The following PLCB1 variants were observed in gnomAD, a reference collection of about 807,000 sequenced individuals.
PLCB1 encodes the protein phospholipase C beta 1.
Under a neutral mutation model 161.8 loss-of-function variants are expected in PLCB1, and 46 were observed. The observed-to-expected ratio is 0.28, with a 90% confidence interval of 0.22 to 0.36. The LOEUF is 0.36. Among genes scored for constraint, PLCB1 ranks in the 10% least tolerant of loss-of-function variants. The probability of loss-of-function intolerance (pLI) is 1.00; values close to 1 mark genes in which losing one functional copy is unlikely to be tolerated. For missense variants in PLCB1, 1,016 were observed against 1,472.5 expected, an observed-to-expected ratio of 0.69 and a Z score of 5.07; for synonymous variants, 517 against 503.7, an observed-to-expected ratio of 1.03 and a Z score of -0.35.
In PLCB1 at chr20:8,370,501, CTGTCTCTAAG is replaced by C. The variant is rs1470754353; in HGVS notation, c.178-875_178-866del. On this transcript the variant is annotated intron_variant, in intron 2 of 31. Transcript: ENST00000338037. ...CTACCTCCTTTCCCCGCAATGTTCT[CTGTCTCTAAG>C]TGTCTAAAGGCCACGAACACCTCAA... Among the ~76,000 whole-genome samples, 5 of 152,174 alleles carry C rather than the reference CTGTCTCTAAG, an allele frequency of 3.3e-5. No individual in the cohort carries two copies. In the East Asian group the frequency reaches 9.6e-4, roughly 29 times the overall value.
chr20:8,528,204 A>G (rs1156233286), intron 3 of PLCB1, among the ~76,000 whole-genome samples: 3 of 152,072 alleles, frequency 2.0e-5, no homozygotes, highest in Admixed American at 6.6e-5. Context: ...ATTTCTACCA[A>G]TGTAAATGAA....
intron 3 of PLCB1, among the ~76,000 whole-genome samples, chr20:8,474,477 G>A (rs940505596): frequency 6.6e-6 from 1 of 152,094 alleles, no homozygotes; most frequent in Non-Finnish European, 1.5e-5. Context: ...GGATCGGAGT[G>A]TGCTTGGCAA....
intron 3 of PLCB1, among the ~76,000 whole-genome samples, chr20:8,540,380 T>C (rs1985263335): frequency 1.3e-5 from 2 of 152,160 alleles, no homozygotes; most frequent in South Asian, 2.1e-4. Context: ...ACTACGCAGC[T>C]TGCAAAGGTT....
rs566101788 is a variant in PLCB1, at chr20:8,649,265, A to G, written c.519-109A>G. On this transcript the variant is annotated intron_variant, in intron 6 of 31. Transcript: ENST00000338037. Reference sequence around the variant, plus strand: ...GTTATCTTTTAGTTCTTTAAATATGAATAATAAATAGATTTGACTGAATGG... The same window carrying G: ...GTTATCTTTTAGTTCTTTAAATATGGATAATAAATAGATTTGACTGAATGG... The G allele has an allele frequency of 1.3e-5, 9 of 676,184 alleles. No individual in the cohort carries two copies. In the East Asian group the frequency reaches 2.1e-4, roughly 15 times the overall value. The allele number at this position is 676,184 out of a possible 1,614,324, so 41.9% of individuals were successfully genotyped here.
chr20:8,366,450 C>T (rs576335242), intron 2 of PLCB1, among the ~76,000 whole-genome samples: 6 of 152,294 alleles, frequency 3.9e-5, no homozygotes, highest in Non-Finnish European at 7.3e-5. Context: ...CGTTCATTCA[C>T]AAACCAGGAT....
chr20:8,649,431 T>C lies in PLCB1; in HGVS notation c.576T>C (p.Cys192=). 6.2e-7 allele frequency: 1 copy of C among 1,611,446 alleles called. No homozygotes were observed. The highest frequency in any genetic ancestry group is 8.5e-7 in the Non-Finnish European group (1 of 1,177,578). The change falls in exon 7 of 32, where the codon TGT becomes TGC. Residue 192 remains cysteine, a synonymous_variant. Transcript: ENST00000338037. The part of the protein sequence containing the change: ...RKRVETALEA[C]SLPSSRNDSI... ...GAGTTGAAACTGCTTTAGAGGCTTG[T>C]AGTCTTCCATCTTCAAGGGTGAGCA...
chr20:8,595,021 C>A (rs1987283709), intron 3 of PLCB1, among the ~76,000 whole-genome samples: 1 of 152,116 alleles, frequency 6.6e-6, no homozygotes, highest in Non-Finnish European at 1.5e-5. Flanking sequence ...TATATATAGA[C>A]TACATAACAT....
intron 7 of PLCB1, chr20:8,651,635 G>T (rs568011995): frequency 3.6e-4 from 216 of 598,468 alleles, no homozygotes; most frequent in Middle Eastern, 2.7e-3. Context: ...TAGGCATTGA[G>T]AATATGGTGG....
intron 3 of PLCB1, among the ~76,000 whole-genome samples, chr20:8,539,683 TCTTTTTCTTTTTCCTTCCTTCCTTC>T (rs1985223781): frequency 2.0e-5 from 1 of 50,044 alleles, no homozygotes; most frequent in African/African-American, 6.8e-5. Flanking sequence ...TTTCTTTCTT[TCTTTTTCTTTTTCCTTCCTTCCTTC>T]CTTTCTTTTC....
At chr20:8,406,015 T>TC (rs956673262) in intron 3 of PLCB1, among the ~76,000 whole-genome samples, 1 of 128,438 alleles carries the variant, frequency 7.8e-6, no homozygotes, top group African/African-American at 3.9e-5. Flanking sequence ...TTTTTCTTCC[T>TC]TTTTTTTTTT....
At chr20:8,168,707 T>C (rs1267201393) in intron 2 of PLCB1, among the ~76,000 whole-genome samples, 1 of 152,110 alleles carries the variant, frequency 6.6e-6, no homozygotes, top group African/African-American at 2.4e-5. Context: ...ATTTTTTTTC[T>C]TCCTAAATGA....
At chr20:8,343,979 A>C (rs1289902021) in intron 2 of PLCB1, among the ~76,000 whole-genome samples, 1 of 152,130 alleles carries the variant, frequency 6.6e-6, no homozygotes, top group African/African-American at 2.4e-5. Flanking sequence ...TCCATGTCCA[A>C]TGTCTTGAGA....
chr20:8,852,037 A>G (rs558026656), intron 31 of PLCB1, among the ~76,000 whole-genome samples: 1 of 152,350 alleles, frequency 6.6e-6, no homozygotes, highest in East Asian at 1.9e-4. Flanking sequence ...ACAACAAAAA[A>G]AGAAGCCAGA....
chr20:8,632,035 C>CTTTTTTT lies in PLCB1; in HGVS notation c.384+3630_384+3636dup, dbSNP rs34028351. ...AGGAGACAAATATGGGTTTTTTTTGCTTTTTTTTTTTTTTTTTTTTTTTTT... is the reference window on the plus strand; with the variant it reads ...AGGAGACAAATATGGGTTTTTTTTGCTTTTTTTTTTTTTTTTTTTTTTTTTTTTTTTT... On this transcript the variant is annotated intron_variant, in intron 4 of 31. Transcript: ENST00000338037. Among the ~76,000 whole-genome samples the CTTTTTTT allele has an allele frequency of 1.9e-3, 87 of 45,980 alleles. 7 individuals are homozygous for CTTTTTTT. The highest frequency in any genetic ancestry group is 6.2e-3 in the East Asian group (8 of 1,294). 30.2% of individuals were successfully genotyped at this position (45,980 alleles called of 152,430 possible). A position where few individuals can be genotyped will look rare whatever the true frequency, so the allele number is the denominator to read the frequency against.
At chr20:8,651,478 T>TCAC (rs1989320761) in intron 7 of PLCB1, 2 of 725,028 alleles carry the variant, frequency 2.8e-6, no homozygotes, top group South Asian at 1.5e-5. Flanking sequence ...CAAAACATTT[T>TCAC]CACCTTCATT....
chr20:8,643,929 CGATTGCA>C (rs1989047774), intron 4 of PLCB1, among the ~76,000 whole-genome samples: 1 of 130,578 alleles, frequency 7.7e-6, no homozygotes, highest in Non-Finnish European at 1.7e-5. Context: ...CCAGTGCCTG[CGATTGCA>C]GGCGCGCGCC....
Position 8,600,386 on chromosome 20 carries a change from G to A in PLCB1, c.247-27908G>A, listed in dbSNP as rs556768004. Among the ~76,000 whole-genome samples the A allele has an allele frequency of 2.0e-3, 250 of 126,572 alleles. 5 individuals are homozygous for A. The South Asian group carries it at 0.038, about 19-fold the overall frequency. The allele number at this position is 126,572 out of a possible 152,430, so 83.0% of individuals were successfully genotyped here. ...GTGAGGTGTCAGTGTGCCCCTGCTG[G>A]GGGGTGCCTCCCAGTTAGGCTGCTC... is the stretch of plus-strand genomic sequence containing the variant. On this transcript the variant is annotated intron_variant, in intron 3 of 31. Coordinates refer to ENST00000338037, the MANE Select transcript of PLCB1 (RefSeq NM_015192.4).
chr20:8,818,959 A>T (rs1034956440), intron 31 of PLCB1, among the ~76,000 whole-genome samples: 1 of 151,328 alleles, frequency 6.6e-6, no homozygotes, highest in Non-Finnish European at 1.5e-5. Context: ...AAAAAAAAAA[A>T]AGTTCTCCCA....
chr20:8,865,187 A>G (rs1437981532), intron 31 of PLCB1, among the ~76,000 whole-genome samples: 1 of 152,138 alleles, frequency 6.6e-6, no homozygotes, highest in African/African-American at 2.4e-5. Flanking sequence ...GGAGAAAGAG[A>G]TAAACATTGA....
Sources: gnomAD v4.1 joint callset for allele counts (sites outside exome capture counted in the v4.1 genomes callset) on GRCh38, gnomAD v4.1.1 for gene constraint, MANE v1.5 for transcripts, NCBI Gene and HGNC (gene_info 2026-07-23, HGNC 2026-07-21) for gene names.